Variants in SCFD2 observed in about 807,000 individuals in gnomAD.
SCFD2 encodes the protein sec1 family domain containing 2, also known as sec1 family domain-containing protein 2.
In SCFD2, 54 loss-of-function variants were observed where a neutral mutation model predicts 58.9. The ratio of observed to expected loss-of-function variants is 0.92; its 90% CI spans 0.74 to 1.15. The LOEUF (loss-of-function observed/expected upper bound fraction) is 1.15, where lower values mean the gene tolerates loss of function less well. Among genes scored for constraint, SCFD2 ranks in the 50% most tolerant of loss-of-function variants. The pLI is 0.00. For missense variants in SCFD2, 805 were observed against 836.6 expected, an observed-to-expected ratio of 0.96 and a Z score of 0.47; for synonymous variants, 321 against 335.9, an observed-to-expected ratio of 0.96 and a Z score of 0.49.
At chr4:53,308,376 G>C (rs981828838) in intron 3 of SCFD2, among the ~76,000 whole-genome samples, 2 of 152,136 alleles carry the variant, frequency 1.3e-5, no homozygotes, top group African/African-American at 4.8e-5. Flanking sequence ...CTTTATAAAT[G>C]ACCATATATC....
chr4:53,110,774 T>C (rs140033575), intron 5 of SCFD2, among the ~76,000 whole-genome samples: 6 of 152,342 alleles, frequency 3.9e-5, no homozygotes, highest in African/African-American at 1.4e-4. Flanking sequence ...TGGAAGACAG[T>C]GTGTCAATTC....
intron 4 of SCFD2, among the ~76,000 whole-genome samples, chr4:53,263,569 G>T (rs1730891817): frequency 6.6e-6 from 1 of 152,184 alleles, no homozygotes; most frequent in South Asian, 2.1e-4. Context: ...CTGGTACTGG[G>T]GAGTGTCTGC....
intron 2 of SCFD2, among the ~76,000 whole-genome samples, chr4:53,340,265 T>TA (rs2149144803): frequency 6.6e-6 from 1 of 152,272 alleles, no homozygotes; most frequent in African/African-American, 2.4e-5. Context: ...CCCACCCTAA[T>TA]ACTGCACTTT....
In SCFD2 at chr4:53,296,795, G is replaced by C. The variant is rs193106331; in HGVS notation, c.1135+16841C>G. 2.3e-3 allele frequency among the ~76,000 whole-genome samples: 352 copies of C among 152,148 alleles called. 1 individual carries two copies. Among genetic ancestry groups the C allele is most frequent in the Non-Finnish European group, 3.1e-3 (208 of 67,984 alleles). ...CATTTAGTGCTATAAATTTCCCTCT[G>C]CACACTGCTTTAAAAGTGTCCCAGA... On this transcript the variant is annotated intron_variant, in intron 3 of 8. Transcript: ENST00000401642.
At chr4:53,217,424 G>C (rs1728884995) in intron 4 of SCFD2, among the ~76,000 whole-genome samples, 1 of 152,112 alleles carries the variant, frequency 6.6e-6, no homozygotes, top group African/African-American at 2.4e-5. Context: ...TTTGATCTTT[G>C]TTGGCTTAAA....
chr4:53,102,148 C>T (rs1724848061), intron 5 of SCFD2, among the ~76,000 whole-genome samples: 1 of 152,174 alleles, frequency 6.6e-6, no homozygotes, highest in African/African-American at 2.4e-5. Context: ...AGGTGCAACT[C>T]AAAATGCTGG....
intron 5 of SCFD2, among the ~76,000 whole-genome samples, chr4:52,965,403 C>T (rs1224744129): frequency 2.6e-5 from 4 of 152,156 alleles, no homozygotes; most frequent in Non-Finnish European, 2.9e-5. Flanking sequence ...TTTCCCCCAG[C>T]GGCTGAGCAC....
chr4:53,089,271 T>C (rs983428460), intron 5 of SCFD2, among the ~76,000 whole-genome samples: 21 of 152,244 alleles, frequency 1.4e-4, no homozygotes, highest in African/African-American at 4.8e-4. Flanking sequence ...GTTCCTTATC[T>C]ATTCTGAATA....
rs191698908 is a variant in SCFD2 at position 53,030,582 on chromosome 4, C to T, written c.1562-109712G>A. Among the ~76,000 whole-genome samples the T allele has an allele frequency of 2.9e-3, 441 of 152,170 alleles. 2 individuals are homozygous for T. Among genetic ancestry groups the T allele is most frequent in the Admixed American group, 5.6e-3 (85 of 15,282 alleles). On this transcript the variant is annotated intron_variant, in intron 5 of 8. Transcript: ENST00000401642. ...CGACTACAGACGCATGCCACCATGC[C>T]CAACTAATTTTGCATTTTTAGTAGA...
intron 5 of SCFD2, among the ~76,000 whole-genome samples, chr4:52,986,429 T>A (rs1721494940): frequency 6.6e-6 from 1 of 151,736 alleles, no homozygotes; most frequent in South Asian, 2.1e-4. Flanking sequence ...GGGCTGGGTG[T>A]TACAGGGGAT....
chr4:53,007,358 A>G (rs1721997833), intron 5 of SCFD2, among the ~76,000 whole-genome samples: 1 of 70,914 alleles, frequency 1.4e-5, no homozygotes, highest in Non-Finnish European at 3.2e-5. Flanking sequence ...GAGAGAAAAG[A>G]AAGAGAGAAA....
intron 7 of SCFD2, among the ~76,000 whole-genome samples, chr4:52,889,779 T>C (rs999587948): frequency 6.6e-6 from 1 of 152,206 alleles, no homozygotes; most frequent in Admixed American, 6.5e-5. Flanking sequence ...TCTCATAACC[T>C]ACTCCTGTCA....
rs1385618607 is a variant in SCFD2 at position 53,096,454 on chromosome 4, T to A, written c.1561+48879A>T. Among the ~76,000 whole-genome samples the A allele has an allele frequency of 2.0e-5, 3 of 152,356 alleles. No homozygotes were observed. In the East Asian group the frequency reaches 5.8e-4, roughly 29 times the overall value. ...ATCTCATTGTGGTTTTGACTTGCAT[T>A]TCTCTGATGGCCAGTGATGATGAGC... is the stretch of plus-strand genomic sequence containing the variant. On this transcript the variant is annotated intron_variant, in intron 5 of 8. Coordinates refer to ENST00000401642, the MANE Select transcript of SCFD2 (RefSeq NM_152540.4).
At chr4:53,352,845 T>C in intron 1 of SCFD2, 79 bp from the exon 2 acceptor site, 1 of 1,213,730 alleles carries the variant, frequency 8.2e-7, no homozygotes, top group Non-Finnish European at 1.2e-6. Context: ...ATCACACACC[T>C]TCTATCAAAA....
chr4:53,182,570 T>C (rs931843868), intron 4 of SCFD2, among the ~76,000 whole-genome samples: 4 of 152,090 alleles, frequency 2.6e-5, no homozygotes, highest in African/African-American at 9.7e-5. Flanking sequence ...ACCTAGGCAA[T>C]ACCATTCAGG....
intron 5 of SCFD2, among the ~76,000 whole-genome samples, chr4:52,991,185 T>G (rs1290637898): frequency 6.6e-6 from 1 of 152,196 alleles, no homozygotes; most frequent in Non-Finnish European, 1.5e-5. Context: ...GTGTTCAGTA[T>G]GCTTGGGGAG....
intron 4 of SCFD2, among the ~76,000 whole-genome samples, chr4:53,263,879 T>C (rs1477033292): frequency 6.6e-6 from 1 of 152,142 alleles, no homozygotes; most frequent in South Asian, 2.1e-4. Flanking sequence ...ATCCTTTGTC[T>C]TTGGCAACCA....
At chr4:53,085,053 A>G (rs1394369789) in intron 5 of SCFD2, among the ~76,000 whole-genome samples, 1 of 152,214 alleles carries the variant, frequency 6.6e-6, no homozygotes, top group East Asian at 1.9e-4. Context: ...CAGACTAGAG[A>G]AAGAAGTAAA....
intron 3 of SCFD2, among the ~76,000 whole-genome samples, chr4:53,304,434 T>C (rs1236542087): frequency 1.3e-5 from 2 of 152,258 alleles, no homozygotes; most frequent in East Asian, 3.9e-4. Flanking sequence ...TCCAACTTGG[T>C]TCCATTCTCC....
Sources: allele counts gnomAD v4.1 joint callset (sites outside exome capture counted in the v4.1 genomes callset), GRCh38; gene constraint gnomAD v4.1.1; transcripts MANE v1.5; gene names NCBI Gene and HGNC (gene_info 2026-07-23, HGNC 2026-07-21).